The following QTMAN variants were observed in gnomAD, a reference collection of about 807,000 sequenced individuals.
The protein encoded by QTMAN is tRNA-queuosine alpha-mannosyltransferase.
the QTMAN span, among the ~76,000 whole-genome samples, chr2:144,277,024 T>A: frequency 6.6e-6 from 1 of 152,162 alleles, no homozygotes; most frequent in Admixed American, 6.5e-5. Context: ...AACATGCATA[T>A]TGTATATTTC....
At chr2:144,211,783 C>T in the QTMAN span, among the ~76,000 whole-genome samples, 1 of 152,024 alleles carries the variant, frequency 6.6e-6, no homozygotes, top group South Asian at 2.1e-4. Flanking sequence ...CACTTCACTG[C>T]TATGGTGGAA....
chr2:144,122,905 C>A, the QTMAN span, among the ~76,000 whole-genome samples: 1 of 152,110 alleles, frequency 6.6e-6, no homozygotes, highest in African/African-American at 2.4e-5. Context: ...ATGTGAAAGG[C>A]AATAGAACTG....
the QTMAN span, among the ~76,000 whole-genome samples, chr2:144,196,196 C>T: frequency 6.8e-6 from 1 of 148,014 alleles, no homozygotes. Flanking sequence ...CACATGTGCA[C>T]GTGCATGCAC....
the QTMAN span, among the ~76,000 whole-genome samples, chr2:143,999,910 C>T: frequency 2.6e-5 from 4 of 152,046 alleles, no homozygotes; most frequent in African/African-American, 4.8e-5. Context: ...TCTATTATAA[C>T]AGTACCAAGA....
At chr2:144,262,393 AAAAAATT>A in the QTMAN span, among the ~76,000 whole-genome samples, 1 of 151,920 alleles carries the variant, frequency 6.6e-6, no homozygotes, top group Non-Finnish European at 1.5e-5. Flanking sequence ...CACTATCTCT[AAAAAATT>A]AAAAATTAAA....
At chr2:144,180,179 A>T in the QTMAN span, among the ~76,000 whole-genome samples, 2 of 152,192 alleles carry the variant, frequency 1.3e-5, no homozygotes, top group African/African-American at 4.8e-5. Context: ...CCTTAAGGGA[A>T]GCCAAAAATG....
At chr2:143,942,671 A>C in the QTMAN span, 3 of 167,138 alleles carry the variant, frequency 1.8e-5, no homozygotes, top group Non-Finnish European at 4.4e-5. Context: ...AGAAATGGTG[A>C]TTAGCAGCCC....
At chr2:144,174,438 G>T in the QTMAN span, among the ~76,000 whole-genome samples, 2 of 152,146 alleles carry the variant, frequency 1.3e-5, no homozygotes, top group Non-Finnish European at 2.9e-5. Context: ...TATTTTCATA[G>T]ATTTTGTCCA....
chr2:144,007,089 C>A, the QTMAN span: 2 of 764,022 alleles, frequency 2.6e-6, no homozygotes, highest in Non-Finnish European at 2.1e-6. Context: ...TTTTCTAAAG[C>A]AATAAGAAGA....
At chr2:144,186,756 G>T in the QTMAN span, among the ~76,000 whole-genome samples, 238 of 152,034 alleles carry the variant, frequency 1.6e-3, no homozygotes, top group African/African-American at 5.1e-3. Flanking sequence ...ACCTGTTATT[G>T]ATTTTCTTCA....
chr2:144,108,778 A>G, the QTMAN span, among the ~76,000 whole-genome samples: 1 of 152,362 alleles, frequency 6.6e-6, no homozygotes, highest in Non-Finnish European at 1.5e-5. Context: ...ACAGACTAAC[A>G]GAGAGCCAAA....
chr2:144,257,058 G>C, the QTMAN span, among the ~76,000 whole-genome samples: 10 of 136,204 alleles, frequency 7.3e-5, no homozygotes, highest in East Asian at 2.2e-3. Flanking sequence ...AAGATGAGCA[G>C]AAGACAGTCT....
chr2:144,119,856 A>AAAAAC, the QTMAN span, among the ~76,000 whole-genome samples: 499 of 151,658 alleles, frequency 3.3e-3, 1 homozygote, highest in African/African-American at 0.01. Context: ...TGCCCATATT[A>AAAAAC]AAAACAAAAC....
the QTMAN span, among the ~76,000 whole-genome samples, chr2:144,128,703 G>T: frequency 2.6e-5 from 4 of 151,726 alleles, no homozygotes; most frequent in Non-Finnish European, 5.9e-5. Context: ...TCAGATAACA[G>T]ATTTGGATGG....
At chr2:144,109,713 A>C in the QTMAN span, among the ~76,000 whole-genome samples, 2 of 152,054 alleles carry the variant, frequency 1.3e-5, no homozygotes, top group South Asian at 4.1e-4. Flanking sequence ...AAACAACCCC[A>C]CCAAAAAGTA....
the QTMAN span, among the ~76,000 whole-genome samples, chr2:144,053,371 G>A: frequency 1.3e-5 from 2 of 152,138 alleles, no homozygotes; most frequent in Non-Finnish European, 2.9e-5. Flanking sequence ...CTGCAAAGGG[G>A]TAGAGGACTA....
At chr2:144,190,573 A>G in the QTMAN span, among the ~76,000 whole-genome samples, 5 of 152,196 alleles carry the variant, frequency 3.3e-5, no homozygotes, top group African/African-American at 4.8e-5. Context: ...CTTTTATAAC[A>G]TATCAAACAA....
the QTMAN span, among the ~76,000 whole-genome samples, chr2:144,200,623 G>A: frequency 6.6e-6 from 1 of 152,326 alleles, no homozygotes; most frequent in East Asian, 1.9e-4. Context: ...AGACAAGCTT[G>A]TTCTAGACTA....
chr2:144,076,722 T>C, the QTMAN span, among the ~76,000 whole-genome samples: 2 of 152,200 alleles, frequency 1.3e-5, no homozygotes, highest in African/African-American at 4.8e-5. Context: ...ATTATAAAAT[T>C]TAAAACCAAT....
Sources: allele counts gnomAD v4.1 joint callset (sites outside exome capture counted in the v4.1 genomes callset), GRCh38; gene constraint gnomAD v4.1.1; transcripts MANE v1.5; gene names NCBI Gene and HGNC (gene_info 2026-07-23, HGNC 2026-07-21).